MLLT10: variants seen among roughly 807,000 people sequenced by gnomAD.
MLLT10 encodes MLLT10 histone lysine methyltransferase DOT1L cofactor.
In MLLT10, 30 loss-of-function variants were observed where a neutral mutation model predicts 129.1. That is an observed-to-expected ratio of 0.23 (90% CI 0.17 to 0.32). The LOEUF is 0.32. Ranked by LOEUF, MLLT10 falls within the 10% of genes least tolerant of loss-of-function variation. MLLT10 has a pLI of 1.00. For synonymous variants in MLLT10, 490 were observed against 446.4 expected (o/e 1.10, Z -1.23); for missense variants, 1,119 against 1,268.3 (o/e 0.88, Z 1.79).
At chr10:21,538,949 A>G in intron 3 of MLLT10, 37 bp downstream of exon 3, 1 of 1,488,726 alleles carries the variant, frequency 6.7e-7, no homozygotes, top group African/African-American at 1.4e-5. Context: ...AACTTTAGTG[A>G]GTAGGTTAGG....
At chr10:21,624,579 C>A in intron 8 of MLLT10, 3 of 1,348,962 alleles carry the variant, frequency 2.2e-6, no homozygotes, top group South Asian at 3.4e-5. Context: ...ATTTTCAAGC[C>A]CTTACTTGTC....
intron 14 of MLLT10, among the ~76,000 whole-genome samples, chr10:21,717,912 T>TCCTC (rs1393025496): frequency 3.5e-5 from 3 of 86,752 alleles, no homozygotes; most frequent in African/African-American, 1.3e-4. Context: ...TCCTCCTCCT[T>TCCTC]CTCCTTCTCC....
intron 3 of MLLT10, among the ~76,000 whole-genome samples, chr10:21,549,185 GCA>G (rs2036578467): frequency 6.8e-6 from 1 of 147,998 alleles, no homozygotes; most frequent in Non-Finnish European, 1.5e-5. Context: ...GTGCAGTGGC[GCA>G]GTCTCGGCTC....
At position 21,668,833 on chromosome 10, in the gene MLLT10, C is replaced by A; in HGVS notation, c.796-1616C>A. On this transcript the variant is annotated intron_variant, in intron 9 of 22. Coordinates refer to ENST00000307729, the MANE Select transcript of MLLT10 (RefSeq NM_001195626.3). ...TGTAGTACTCTACCCAATTTTCTCT[C>A]CATTCTTTATTTGATACATGAGCAA... The A allele has an allele frequency of 1.2e-5, 12 of 1,031,124 alleles. No homozygotes were observed. In the South Asian group the frequency reaches 2.2e-4, roughly 19 times the overall value. The allele number at this position is 1,031,124 out of a possible 1,614,324, so 63.9% of individuals were successfully genotyped here. A position where few individuals can be genotyped will look rare whatever the true frequency, so the allele number is the denominator to read the frequency against.
Position 21,604,370 on chromosome 10 carries a change from AC to A in MLLT10, c.406-7976del, listed in dbSNP as rs1326976421. Among the ~76,000 whole-genome samples the A allele has an allele frequency of 3.3e-5, 5 of 152,096 alleles. No individual in the cohort carries two copies. The East Asian group carries it at 9.7e-4, about 29-fold the overall frequency. On this transcript the variant is annotated intron_variant, in intron 5 of 22. Transcript: ENST00000307729. ...TCTCAGCACTTTGGGCAGGCAGATGACCTGAGGTCAGGAGTTCAAGACCAGC... is the reference window on the plus strand; with the variant it reads ...TCTCAGCACTTTGGGCAGGCAGATGACTGAGGTCAGGAGTTCAAGACCAGC...
chr10:21,671,172 C>T (rs942993874), intron 10 of MLLT10, among the ~76,000 whole-genome samples: 9 of 152,088 alleles, frequency 5.9e-5, no homozygotes, highest in Non-Finnish European at 1.0e-4. Context: ...GTGCATGCCA[C>T]CATGCCTGGC....
chr10:21,640,646 A>C (rs1468516769), intron 8 of MLLT10, among the ~76,000 whole-genome samples: 1 of 152,166 alleles, frequency 6.6e-6, no homozygotes, highest in Admixed American at 6.5e-5. Context: ...TGTAATAGAC[A>C]GTAAGCATAG....
At chr10:21,691,367 T>C (rs2053833836) in intron 13 of MLLT10, among the ~76,000 whole-genome samples, 1 of 152,214 alleles carries the variant, frequency 6.6e-6, no homozygotes, top group Admixed American at 6.5e-5. Context: ...TCTCTTGATA[T>C]ATACATATGG....
At chr10:21,726,419 T>C in intron 15 of MLLT10, 64 bp downstream of exon 15, 2 of 1,144,350 alleles carry the variant, frequency 1.7e-6, no homozygotes, top group Non-Finnish European at 2.6e-6. Context: ...TTTTTCCCCT[T>C]TTGGTTCATT....
At chr10:21,588,532 A>G (rs1050667719) in intron 4 of MLLT10, among the ~76,000 whole-genome samples, 2 of 152,090 alleles carry the variant, frequency 1.3e-5, no homozygotes, top group Non-Finnish European at 2.9e-5. Context: ...TAGGATTATT[A>G]ATTTCCATAG....
intron 8 of MLLT10, among the ~76,000 whole-genome samples, chr10:21,621,517 T>C (rs1022366938): frequency 1.3e-5 from 2 of 152,220 alleles, no homozygotes; most frequent in Non-Finnish European, 2.9e-5. Flanking sequence ...AGTGCTGGGA[T>C]TACAGGCGTG....
intron 9 of MLLT10, chr10:21,669,140 G>T (rs759319055): frequency 5.1e-6 from 6 of 1,185,408 alleles, no homozygotes; most frequent in Non-Finnish European, 6.5e-6. Flanking sequence ...TGAAACGTTT[G>T]TTCTTGTTTG....
chr10:21,591,522 G>A (rs1185676770), intron 4 of MLLT10, among the ~76,000 whole-genome samples: 1 of 151,722 alleles, frequency 6.6e-6, no homozygotes, highest in East Asian at 1.9e-4. Flanking sequence ...TTATTTTTTA[G>A]TGCTGTATTT....
At chr10:21,566,336 CTT>C (rs879190625) in intron 3 of MLLT10, among the ~76,000 whole-genome samples, 3 of 142,512 alleles carry the variant, frequency 2.1e-5, no homozygotes, top group Non-Finnish European at 1.5e-5. Context: ...CCCCCACCCC[CTT>C]TTTTTTTTTT....
intron 8 of MLLT10, among the ~76,000 whole-genome samples, chr10:21,641,375 A>G (rs2047984902): frequency 6.6e-6 from 1 of 152,252 alleles, no homozygotes; most frequent in Non-Finnish European, 1.5e-5. Flanking sequence ...ATACATAAAA[A>G]GGATAATTAG....
chr10:21,694,071 G>A (rs1365234989), intron 13 of MLLT10, among the ~76,000 whole-genome samples: 1 of 152,102 alleles, frequency 6.6e-6, no homozygotes, highest in Non-Finnish European at 1.5e-5. Context: ...TCAAACTCAT[G>A]GAAAAATTGC....
At chr10:21,698,621 A>G (rs1300565473) in intron 13 of MLLT10, among the ~76,000 whole-genome samples, 1 of 152,098 alleles carries the variant, frequency 6.6e-6, no homozygotes, top group Non-Finnish European at 1.5e-5. Flanking sequence ...TGGAAGTTGT[A>G]TTTTTAGTTT....
In MLLT10 at chr10:21,727,938, A is replaced by G. The variant is rs2131562703; in HGVS notation, c.2063+10A>G. The G allele has an allele frequency of 2.5e-6, 4 of 1,613,010 alleles. No homozygotes were observed. The highest frequency in any genetic ancestry group is 2.2e-5 in the East Asian group (1 of 44,876). ...GAAGTCTCTCGCCACGGTAAGCGCT[A>G]TTTACACTGCAAAGTATAGGCAAAG... On this transcript the variant is annotated intron_variant, in intron 16 of 22. Coordinates refer to ENST00000307729, the MANE Select transcript of MLLT10 (RefSeq NM_001195626.3).
At position 21,673,523 on chromosome 10, in the gene MLLT10, G is replaced by A. The variant is rs573639267; in HGVS notation, c.1225G>A (p.Gly409Arg). Reference protein sequence around the residue: ...VHKGESGSQEGGVNSFSTLIG... With the variant: ...VHKGESGSQERGVNSFSTLIG... ...TAAAGGAGAGTCTGGAAGCCAGGAA[G>A]GGGGGGTAAATAGTTTTAGTACCTT... The change falls in exon 11 of 23, where the codon GGG becomes AGG. Residue 409 changes from glycine (G) to arginine (R), a missense_variant. By Grantham distance (125) the Gly-to-Arg change is moderately radical (BLOSUM62 -2). This residue lies in a region of MLLT10 where 1,004 missense variants were observed against 1,008.7 expected (regional missense o/e 1.00). Coordinates refer to ENST00000307729, the MANE Select transcript of MLLT10 (RefSeq NM_001195626.3). 37 of 1,613,300 alleles carry A rather than the reference G, an allele frequency of 2.3e-5. No individual in the cohort carries two copies. The highest frequency in any genetic ancestry group is 3.0e-5 in the Non-Finnish European group (35 of 1,179,826).
Sources: allele counts gnomAD v4.1 joint callset (sites outside exome capture counted in the v4.1 genomes callset), GRCh38; gene constraint gnomAD v4.1.1; regional missense constraint gnomAD v4.1.1; transcripts MANE v1.5; gene names NCBI Gene and HGNC (gene_info 2026-07-23, HGNC 2026-07-21).